The following DSC2 variants were observed in gnomAD, a reference collection of about 807,000 sequenced individuals.
The protein encoded by DSC2 is desmocollin-2.
A neutral mutation model predicts 87.6 loss-of-function variants in DSC2; 51 were observed. That is an observed-to-expected ratio of 0.58 (90% confidence interval 0.46 to 0.74). DSC2 has a LOEUF of 0.74. Ranked by LOEUF, DSC2 falls within the 30% of genes least tolerant of loss-of-function variation. The pLI is 0.00. For synonymous variants in DSC2, 383 were observed against 393.2 expected (o/e 0.97, Z 0.31); for missense variants, 1,066 against 1,089.5 (o/e 0.98, Z 0.30).
Position 31,081,827 on chromosome 18 carries a change from T to G in DSC2, c.1263+411A>C, listed in dbSNP as rs1456922787. 1.1e-4 allele frequency among the ~76,000 whole-genome samples: 17 copies of G among 152,280 alleles called. No homozygotes were observed. In the East Asian group the frequency reaches 3.3e-3, roughly 29 times the overall value. ...AGGATGTAATATATACTGAATATGA[T>G]GAACAAACCTATGAATAACCTCTCC... On this transcript the variant is annotated intron_variant, in intron 9 of 15. Transcript: ENST00000280904.
At chr18:31,079,115 T>C (rs747496345) in intron 11 of DSC2, among the ~76,000 whole-genome samples, 3 of 152,168 alleles carry the variant, frequency 2.0e-5, no homozygotes, top group Non-Finnish European at 4.4e-5. Context: ...TAGAGCTGTT[T>C]TCCAGGACTG....
At chr18:31,077,831 C>T (rs1002370182) in intron 11 of DSC2, among the ~76,000 whole-genome samples, 2 of 152,122 alleles carry the variant, frequency 1.3e-5, no homozygotes, top group African/African-American at 4.8e-5. Context: ...ATTCTAACAG[C>T]TGGAATAATA....
At chr18:31,080,379 C>T (rs1987179288) in intron 9 of DSC2, 27 bp from the exon 10 acceptor site, 1 of 1,611,694 alleles carries the variant, frequency 6.2e-7, no homozygotes, top group African/African-American at 1.3e-5. Context: ...ATTGAAAAAT[C>T]AGATGAACTC....
chr18:31,082,041 TAAA>T (rs573964762), intron 9 of DSC2, among the ~76,000 whole-genome samples, 194 bp downstream of exon 9: 45 of 147,956 alleles, frequency 3.0e-4, no homozygotes, highest in African/African-American at 1.1e-3. Flanking sequence ...ATGGACTTTT[TAAA>T]AAAAAAAATA....
chr18:31,082,030 T>C (rs1039456635), intron 9 of DSC2, among the ~76,000 whole-genome samples: 9 of 151,016 alleles, frequency 6.0e-5, no homozygotes, highest in African/African-American at 2.2e-4. Context: ...TATTGTATTA[T>C]ATGGACTTTT....
In DSC2 at chr18:31,071,415, C is replaced by T. The variant is rs189743373; in HGVS notation, c.2125+190G>A. On this transcript the variant is annotated intron_variant, in intron 13 of 15. Coordinates refer to ENST00000280904, the MANE Select transcript of DSC2 (RefSeq NM_024422.6). ...AGAAAAAATTAGCTGGGCATTGTGG[C>T]GCACACCTGTAATCCCAGCTACTCG... 8.4e-3 allele frequency among the ~76,000 whole-genome samples: 1,280 copies of T among 152,076 alleles called. 27 individuals carry two copies. Among genetic ancestry groups the T allele is most frequent in the African/African-American group, 0.028 (1,172 of 41,478 alleles).
chr18:31,096,123 CT>C (rs1261597760), intron 1 of DSC2, among the ~76,000 whole-genome samples: 1 of 152,086 alleles, frequency 6.6e-6, no homozygotes, highest in Non-Finnish European at 1.5e-5. Context: ...AAATAAGCAG[CT>C]TTATATTTGA....
At chr18:31,084,983 T>G (rs1290112831) in intron 7 of DSC2, among the ~76,000 whole-genome samples, 2 of 152,124 alleles carry the variant, frequency 1.3e-5, no homozygotes, top group Non-Finnish European at 2.9e-5. Context: ...TATAGAATGA[T>G]GTACTGGTAA....
At chr18:31,076,135 T>C (rs1987009761) in intron 11 of DSC2, among the ~76,000 whole-genome samples, 1 of 152,084 alleles carries the variant, frequency 6.6e-6, no homozygotes, top group South Asian at 2.1e-4. Flanking sequence ...TGGGGCTGTG[T>C]CTTATATGAA....
At chr18:31,093,067 C>G (rs2144848883) in intron 2 of DSC2, among the ~76,000 whole-genome samples, 1 of 152,132 alleles carries the variant, frequency 6.6e-6, no homozygotes, top group Non-Finnish European at 1.5e-5. Flanking sequence ...TCTACTGGTC[C>G]CAACAGAGTT....
At position 31,069,146 on chromosome 18, in the gene DSC2, A is replaced by G. The variant is rs1369056367; in HGVS notation, c.2256T>C (p.Ser752=). 1 of 1,614,068 alleles carries G rather than the reference A, an allele frequency of 6.2e-7. No individual in the cohort carries two copies. The highest frequency in any genetic ancestry group is 1.3e-5 in the African/African-American group (1 of 74,942). Residue 752 remains serine, a synonymous_variant, in exon 15 of 16, where the codon TCT becomes TCC. Transcript: ENST00000280904. ...CAGTTTGGGTTGTGAAGCCATTCGCAGAATACTGAAATGAAAACAATTTGC... is the reference window on the plus strand; with the variant it reads ...CAGTTTGGGTTGTGAAGCCATTCGCGGAATACTGAAATGAAAACAATTTGC... ...TEAPGDDKVY[S]ANGFTTQTVG... is the part of the protein sequence containing the mutation.
chr18:31,068,595 T>C (rs1048457310), intron 15 of DSC2, among the ~76,000 whole-genome samples: 2 of 152,126 alleles, frequency 1.3e-5, no homozygotes, highest in Admixed American at 1.3e-4. Flanking sequence ...GGTACCACAT[T>C]TTTGGTTTCT....
chr18:31,097,827 C>T (rs965859764), intron 1 of DSC2, among the ~76,000 whole-genome samples: 7 of 151,734 alleles, frequency 4.6e-5, no homozygotes, highest in African/African-American at 1.5e-4. Context: ...CACATACTTG[C>T]CTACATCGCA....
At chr18:31,100,596 C>A (rs1237265461) in intron 1 of DSC2, among the ~76,000 whole-genome samples, 4 of 152,160 alleles carry the variant, frequency 2.6e-5, no homozygotes, top group African/African-American at 7.2e-5. Flanking sequence ...CCATTGAGCT[C>A]CTCGAGAAAG....
In DSC2 at chr18:31,102,007, G is replaced by A. The variant is rs1017601397; in HGVS notation, c.-36C>T. ...CGGGGCAGGTCGCGGGCCGAGCGTC[G>A]GGCCGGGGTAGGAGGGCTCCGCGGG... is the stretch of plus-strand genomic sequence containing the variant. On this transcript the variant is annotated 5_prime_UTR_variant, in exon 1 of 16. Transcript: ENST00000280904. The A allele has an allele frequency of 1.2e-5, 18 of 1,471,592 alleles. No homozygotes were observed. Among genetic ancestry groups the A allele is most frequent in the Non-Finnish European group, 1.5e-5 (17 of 1,114,408 alleles). The allele number at this position is 1,471,592 out of a possible 1,614,324, so 91.2% of individuals were successfully genotyped here. A position where few individuals can be genotyped will look rare whatever the true frequency, so the allele number is the denominator to read the frequency against.
At chr18:31,070,619 A>T in intron 14 of DSC2, 107 bp downstream of exon 14, 1 of 1,480,004 alleles carries the variant, frequency 6.8e-7, no homozygotes, top group Non-Finnish European at 9.3e-7. Context: ...TCTATGGTAA[A>T]TTGCCTGATA....
Position 31,082,327 on chromosome 18 carries a change from T to C in DSC2, c.1174A>G (p.Asn392Asp). 1 of 1,613,946 alleles carries C rather than the reference T, an allele frequency of 6.2e-7. No homozygotes were observed. ...TCATTGCCCTTTAAAATGGTATAAT[T>C]AGCTCTCCAGTTAGCAGTATTCACT... ...DLVNTANWRANYTILKGNENG... is the reference protein window; with the variant it reads ...DLVNTANWRADYTILKGNENG... Residue 392 changes from asparagine to aspartate, a missense_variant, in exon 9 of 16, where the codon AAT becomes GAT. Physicochemically the swap from Asn to Asp is conservative, Grantham distance 23 (BLOSUM62 1). Coordinates refer to ENST00000280904, the MANE Select transcript of DSC2 (RefSeq NM_024422.6).
Position 31,066,610 on chromosome 18 carries a change from A to G in DSC2, c.*1405T>C, listed in dbSNP as rs1289299507. The G allele has an allele frequency of 6.6e-6, 1 of 152,140 alleles. No individual in the cohort carries two copies. Among genetic ancestry groups the G allele is most frequent in the African/African-American group, 2.4e-5 (1 of 41,442 alleles). 9.4% of individuals were successfully genotyped at this position (152,140 alleles called of 1,614,324 possible). ...TATTAGAAACACATTTAAAATGTCC[A>G]TATGTTTAGTATAAATAGAAAATTC... On this transcript the variant is annotated 3_prime_UTR_variant, in exon 16 of 16. Coordinates refer to ENST00000280904, the MANE Select transcript of DSC2 (RefSeq NM_024422.6).
rs762688448 is a variant in DSC2, at chr18:31,065,983, A to T, written c.*2032T>A. The T allele has an allele frequency of 1.3e-5, 2 of 152,136 alleles. No individual in the cohort carries two copies. The highest frequency in any genetic ancestry group is 2.4e-5 in the African/African-American group (1 of 41,420). 9.4% of individuals were successfully genotyped at this position (152,136 alleles called of 1,614,324 possible). ...ATGAATTGTACATGTGACTTGTTTA[A>T]AATCATTTATTATTATCAGGAGTGC... On this transcript the variant is annotated 3_prime_UTR_variant, in exon 16 of 16. Transcript: ENST00000280904.
Sources: allele counts gnomAD v4.1 joint callset (sites outside exome capture counted in the v4.1 genomes callset), GRCh38; gene constraint gnomAD v4.1.1; transcripts MANE v1.5; gene names NCBI Gene and HGNC (gene_info 2026-07-23, HGNC 2026-07-21).